RMDN2: variants seen among roughly 807,000 people sequenced by gnomAD.
RMDN2 encodes the protein regulator of microtubule dynamics protein 2.
Under a neutral mutation model 52.8 loss-of-function variants are expected in RMDN2, and 61 were observed. That is an observed-to-expected ratio of 1.16 (90% CI 0.94 to 1.43). The LOEUF is 1.43. Among genes scored for constraint, RMDN2 ranks in the 40% most tolerant of loss-of-function variants. RMDN2 has a pLI of 0.00. For missense variants in RMDN2, 592 were observed against 475.3 expected, an observed-to-expected ratio of 1.25 and a Z score of -2.28; for synonymous variants, 180 against 153.1, an observed-to-expected ratio of 1.18 and a Z score of -1.30.
At chr2:38,006,360 G>C (rs1184012808) in intron 10 of RMDN2, among the ~76,000 whole-genome samples, 1 of 152,142 alleles carries the variant, frequency 6.6e-6, no homozygotes, top group African/African-American at 2.4e-5. Context: ...CCATTTGTTT[G>C]TATCCTCTTT....
chr2:38,004,317 C>G, intron 10 of RMDN2, 101 bp downstream of exon 10: 1 of 755,678 alleles, frequency 1.3e-6, no homozygotes, highest in Non-Finnish European at 2.2e-6. Flanking sequence ...TTTCTCTATT[C>G]AATTTTATGT....
Position 38,060,061 on chromosome 2 carries a change from C to CTATTTTATTTTATTT in RMDN2, c.1714-6874_1714-6860dup, listed in dbSNP as rs72343040. 5.3e-4 allele frequency among the ~76,000 whole-genome samples: 68 copies of CTATTTTATTTTATTT among 128,668 alleles called. 1 individual carries two copies. The highest frequency in any genetic ancestry group is 1.8e-3 in the African/African-American group (62 of 34,366). 84.4% of individuals were successfully genotyped at this position (128,668 alleles called of 152,430 possible). A position where few individuals can be genotyped will look rare whatever the true frequency, so the allele number is the denominator to read the frequency against. On this transcript the variant is annotated intron_variant, in intron 10 of 10. Coordinates refer to the RMDN2 transcript ENST00000234195. ...TACAGGTGTGTGCCACGACGCCCAG[C>CTATTTTATTTTATTT]TATTTTATTTTATTTTATTTTATTT...
intron 2 of RMDN2, among the ~76,000 whole-genome samples, chr2:37,966,596 T>G (rs550210371): frequency 6.6e-6 from 1 of 152,232 alleles, no homozygotes; most frequent in East Asian, 1.9e-4. Flanking sequence ...TCTATTTACT[T>G]TTTTTTCATT....
At chr2:38,066,303 C>A (rs1345710908) in intron 10 of RMDN2, among the ~76,000 whole-genome samples, 2 of 152,162 alleles carry the variant, frequency 1.3e-5, no homozygotes, top group Admixed American at 6.5e-5. Context: ...TCCTCAAAGC[C>A]TGTATGTCGC....
intron 10 of RMDN2, among the ~76,000 whole-genome samples, chr2:38,013,114 C>A (rs766014910): frequency 6.6e-6 from 1 of 152,190 alleles, no homozygotes; most frequent in Non-Finnish European, 1.5e-5. Flanking sequence ...GGAAAGTAAT[C>A]TCAGATCCTG....
downstream of RMDN2, among the ~76,000 whole-genome samples, chr2:38,022,387 A>G (rs1336447380): frequency 6.6e-6 from 1 of 152,180 alleles, no homozygotes; most frequent in Non-Finnish European, 1.5e-5. Context: ...TTGACCTCAG[A>G]GAAGACAGAA....
chr2:37,935,630 T>C (rs1006580556), intron 2 of RMDN2, among the ~76,000 whole-genome samples: 5 of 152,238 alleles, frequency 3.3e-5, no homozygotes, highest in African/African-American at 7.2e-5. Context: ...CATTCTTCCT[T>C]TGAAAGTGTT....
At chr2:37,973,445 C>T (rs1327159678) in intron 2 of RMDN2, among the ~76,000 whole-genome samples, 2 of 152,180 alleles carry the variant, frequency 1.3e-5, no homozygotes, top group African/African-American at 4.8e-5. Flanking sequence ...GCACTTGATA[C>T]ATCAGTTAAT....
intron 5 of RMDN2, among the ~76,000 whole-genome samples, chr2:37,987,827 G>A (rs1366547655): frequency 6.6e-6 from 1 of 152,130 alleles, no homozygotes; most frequent in East Asian, 1.9e-4. Flanking sequence ...GGGAGGTCGA[G>A]GTGGGCAGAT....
chr2:38,055,188 C>A (rs138581445), intron 10 of RMDN2, among the ~76,000 whole-genome samples: 1 of 152,092 alleles, frequency 6.6e-6, no homozygotes, highest in East Asian at 1.9e-4. Context: ...GCTTGATGAT[C>A]CGCCTAGTTT....
At chr2:38,051,342 C>T (rs1219771560) in intron 10 of RMDN2, among the ~76,000 whole-genome samples, 1 of 152,062 alleles carries the variant, frequency 6.6e-6, no homozygotes, top group African/African-American at 2.4e-5. Context: ...CTTTAAATTC[C>T]CTCTGTACAA....
intron 2 of RMDN2, among the ~76,000 whole-genome samples, chr2:37,938,450 G>T (rs1667498872): frequency 6.6e-6 from 1 of 152,160 alleles, no homozygotes; most frequent in African/African-American, 2.4e-5. Context: ...CTGTTGTTTG[G>T]AATAGTTTCA....
chr2:38,048,911 T>G (rs766595530), intron 10 of RMDN2, among the ~76,000 whole-genome samples: 12 of 152,248 alleles, frequency 7.9e-5, no homozygotes, highest in Non-Finnish European at 1.2e-4. Context: ...TTTAATTGAT[T>G]GACTAACTCA....
At chr2:38,039,505 A>C (rs1025579529) in intron 10 of RMDN2, among the ~76,000 whole-genome samples, 2 of 152,224 alleles carry the variant, frequency 1.3e-5, no homozygotes, top group African/African-American at 4.8e-5. Flanking sequence ...AAAGGTTTAC[A>C]TCATTTCTGC....
intron 10 of RMDN2, among the ~76,000 whole-genome samples, chr2:38,060,141 T>G (rs2125307421): frequency 6.6e-6 from 1 of 151,760 alleles, no homozygotes; most frequent in African/African-American, 2.4e-5. Context: ...GAGACAGGAT[T>G]TCACTGTGTT....
intron 5 of RMDN2, among the ~76,000 whole-genome samples, chr2:37,981,803 TG>T (rs1251823758): frequency 6.6e-6 from 1 of 152,230 alleles, no homozygotes; most frequent in East Asian, 1.9e-4. Flanking sequence ...TTAGTTAGAT[TG>T]GTATAGGTAA....
At chr2:37,950,486 C>G in intron 2 of RMDN2, 2 of 1,612,312 alleles carry the variant, frequency 1.2e-6, no homozygotes, top group Non-Finnish European at 1.7e-6. Flanking sequence ...AGCATTCAGT[C>G]TTCTGACCTG....
chr2:38,065,287 C>T (rs1367134169), intron 10 of RMDN2, among the ~76,000 whole-genome samples: 4 of 151,504 alleles, frequency 2.6e-5, no homozygotes, highest in Non-Finnish European at 5.9e-5. Flanking sequence ...TTTGCTGGAA[C>T]ACGCAAACAA....
At chr2:38,019,983 T>A (rs1679218928), downstream of RMDN2, among the ~76,000 whole-genome samples, 1 of 152,072 alleles carries the variant, frequency 6.6e-6, no homozygotes, top group Non-Finnish European at 1.5e-5. Flanking sequence ...CTAAAACCAT[T>A]GCAAATAATT....
Sources: allele counts gnomAD v4.1 joint callset (sites outside exome capture counted in the v4.1 genomes callset), GRCh38; gene constraint gnomAD v4.1.1; transcripts MANE v1.5; gene names NCBI Gene and HGNC (gene_info 2026-07-23, HGNC 2026-07-21).